The following SOBP variants were observed in gnomAD, a reference collection of about 807,000 sequenced individuals.
SOBP encodes the protein sine oculis-binding protein homolog.
SOBP carries 4 observed loss-of-function variants against 53.6 expected under a neutral mutation model. That is an observed-to-expected ratio of 0.07 (90% CI 0.04 to 0.17). The LOEUF is 0.17. Ranked by LOEUF, SOBP falls within the 10% of genes least tolerant of loss-of-function variation. The pLI, the probability that SOBP is intolerant of heterozygous loss-of-function variation, is 1.00. For synonymous variants in SOBP, 584 were observed against 522.6 expected (o/e 1.12, Z -1.60); for missense variants, 1,088 against 1,204.7 (o/e 0.90, Z 1.43).
rs1770876816 is a variant in SOBP at position 107,634,342 on chromosome 6, C to T, written c.1498C>T (p.Pro500Ser). Reference protein sequence around the residue: ...FPPVSMMPNGPMPVPQMMNFG... With the variant: ...FPPVSMMPNGSMPVPQMMNFG... ...GCCAGTGAGCATGATGCCAAATGGC[C>T]CGATGCCGGTGCCCCAGATGATGAA... is the stretch of plus-strand genomic sequence containing the variant. Residue 500 changes from proline to serine, a missense_variant, in exon 6 of 7, where the codon CCG becomes TCG. Around this residue, in one of 6 missense-constraint regions of SOBP, gnomAD observed 665 missense variants for 629.7 expected, o/e 1.06. Transcript: ENST00000317357. The surrounding 1 kb of genome is among the most constrained non-coding windows in gnomAD (Gnocchi z 4.5). 1 of 1,588,956 alleles carries T rather than the reference C, an allele frequency of 6.3e-7. No individual in the cohort carries two copies.
chr6:107,549,346 G>C (rs1170955413), intron 4 of SOBP, among the ~76,000 whole-genome samples: 1 of 151,880 alleles, frequency 6.6e-6, no homozygotes, highest in Non-Finnish European at 1.5e-5. Flanking sequence ...ATACTCCCAA[G>C]CCCTATACTG....
rs950345755 is a variant in SOBP at position 107,490,824 on chromosome 6, G to A, written c.96+112G>A. ...GGGGCGCGCTTGTCAGTTTCTGTAG[G>A]ATGCCCAGAACGGCTCCGCTCCTCC... On this transcript the variant is annotated intron_variant, in intron 1 of 6. Transcript: ENST00000317357. 4 of 816,942 alleles carry A rather than the reference G, an allele frequency of 4.9e-6. 1 individual carries two copies. Among genetic ancestry groups the A allele is most frequent in the Admixed American group, 4.1e-5 (2 of 49,050 alleles). 50.6% of individuals were successfully genotyped at this position (816,942 alleles called of 1,614,324 possible).
At chr6:107,518,625 A>G (rs2114967241) in intron 3 of SOBP, among the ~76,000 whole-genome samples, 1 of 152,346 alleles carries the variant, frequency 6.6e-6, no homozygotes, top group East Asian at 1.9e-4. Flanking sequence ...AACAACCCAA[A>G]TGTTCACCAG....
intron 1 of SOBP, among the ~76,000 whole-genome samples, chr6:107,491,705 TAGC>T (rs1782585698): frequency 6.6e-6 from 1 of 152,238 alleles, no homozygotes; most frequent in Admixed American, 6.5e-5. Context: ...CATCAAAAAG[TAGC>T]AGGTTTGCAT....
rs138027455 is a variant in SOBP, at chr6:107,585,466, C to T, written c.574-1614C>T. ...CCATGGCGTAGCTGCAAAGTTGTTC[C>T]GATGCAGTAAGAAGAAACATCATTG... On this transcript the variant is annotated intron_variant, in intron 4 of 6. Transcript: ENST00000317357. Among the ~76,000 whole-genome samples, 521 of 152,298 alleles carry T rather than the reference C, an allele frequency of 3.4e-3. 2 individuals carry two copies. Among genetic ancestry groups the T allele is most frequent in the African/African-American group, 0.012 (500 of 41,550 alleles).
At chr6:107,625,098 T>G (rs1351262660) in intron 5 of SOBP, among the ~76,000 whole-genome samples, 1 of 152,170 alleles carries the variant, frequency 6.6e-6, no homozygotes, top group African/African-American at 2.4e-5. Flanking sequence ...TTTGTGGAGG[T>G]TCAATGAGGA....
chr6:107,603,800 G>A (rs948271227), intron 5 of SOBP, among the ~76,000 whole-genome samples: 1 of 152,120 alleles, frequency 6.6e-6, no homozygotes, highest in African/African-American at 2.4e-5. Context: ...CTCATGCTTT[G>A]GGGACCTAGA....
intron 4 of SOBP, among the ~76,000 whole-genome samples, chr6:107,575,275 G>T (rs1047222219): frequency 2.6e-5 from 4 of 152,160 alleles, no homozygotes; most frequent in African/African-American, 9.7e-5. Context: ...TTAGCACAGG[G>T]TCTGGCACAG....
intron 1 of SOBP, among the ~76,000 whole-genome samples, chr6:107,491,829 A>G (rs1240791201): frequency 6.6e-6 from 1 of 152,192 alleles, no homozygotes; most frequent in African/African-American, 2.4e-5. Context: ...TAAAAAACAA[A>G]CTGGATGAAA....
rs1240395300 is a variant in SOBP at position 107,635,080 on chromosome 6, C to T, written c.2236C>T (p.Pro746Ser). ...CGCGGAGCCGCCTCCCGAGCAGCCG[C>T]CGCCGCCGCCGCCGCCCGCGCCCCC... ...KSAEPPPEQP[P>S]PPPPPAPPKK... Residue 746 changes from proline (P) to serine (S), a missense_variant, in exon 6 of 7, where the codon CCG becomes TCG. Physicochemically the swap from Pro to Ser is moderately conservative, Grantham distance 74. Around this residue, in one of 6 missense-constraint regions of SOBP, gnomAD observed 665 missense variants for 629.7 expected, o/e 1.06. Coordinates refer to ENST00000317357, the MANE Select transcript of SOBP (RefSeq NM_018013.4). This position sits in a 1 kb window ranked among gnomAD's most constrained non-coding sequence, Gnocchi z 4.5. 6.4e-7 allele frequency: 1 copy of T among 1,569,202 alleles called. No homozygotes were observed. Among genetic ancestry groups the T allele is most frequent in the African/African-American group, 1.4e-5 (1 of 73,440 alleles).
intron 5 of SOBP, among the ~76,000 whole-genome samples, chr6:107,620,774 A>G (rs1055934564): frequency 1.3e-5 from 2 of 152,036 alleles, no homozygotes; most frequent in Non-Finnish European, 1.5e-5. Context: ...AGCATCCACC[A>G]TATTTCTTTT....
chr6:107,613,480 C>A (rs913042864), intron 5 of SOBP, among the ~76,000 whole-genome samples: 1 of 152,122 alleles, frequency 6.6e-6, no homozygotes, highest in African/African-American at 2.4e-5. Context: ...TCCATGATTA[C>A]CTTGATATTA....
At chr6:107,507,658 G>A (rs1783037161) in intron 3 of SOBP, among the ~76,000 whole-genome samples, 1 of 152,072 alleles carries the variant, frequency 6.6e-6, no homozygotes, top group African/African-American at 2.4e-5. Flanking sequence ...TGTATTTTAT[G>A]TGTGGCCCAA....
intron 4 of SOBP, among the ~76,000 whole-genome samples, chr6:107,583,172 C>T (rs1190000045): frequency 6.6e-6 from 1 of 152,200 alleles, no homozygotes; most frequent in East Asian, 1.9e-4. Flanking sequence ...TCTAACATTG[C>T]CACCAGTTCT....
chr6:107,657,490 T>C (rs1214898923), intron 6 of SOBP, among the ~76,000 whole-genome samples: 1 of 152,256 alleles, frequency 6.6e-6, no homozygotes, highest in Non-Finnish European at 1.5e-5. Context: ...TCCAGCTTAG[T>C]TGCCTTTGTG....
intron 5 of SOBP, among the ~76,000 whole-genome samples, chr6:107,609,802 G>C (rs956087633): frequency 6.6e-6 from 1 of 152,086 alleles, no homozygotes; most frequent in African/African-American, 2.4e-5. Flanking sequence ...CTAGGGGAGC[G>C]CTAAAGTGGG....
At chr6:107,616,898 G>A (rs1786812997) in intron 5 of SOBP, among the ~76,000 whole-genome samples, 1 of 152,172 alleles carries the variant, frequency 6.6e-6, no homozygotes, top group Admixed American at 6.5e-5. Flanking sequence ...CTTGGGCAGT[G>A]CCATTTGCAT....
chr6:107,534,402 G>A lies in SOBP; in HGVS notation c.573+792G>A, dbSNP rs552006198. Among the ~76,000 whole-genome samples the A allele has an allele frequency of 4.1e-4, 62 of 152,214 alleles. 1 individual carries two copies. The South Asian group carries it at 6.2e-3, about 15-fold the overall frequency. On this transcript the variant is annotated intron_variant, in intron 4 of 6. Transcript: ENST00000317357. ...TGTAGCCTTTGCCACCAACTACTGC[G>A]GTAACTTGCTAGTCCTCAATTATTT...
chr6:107,521,658 A>G (rs1194312711), intron 3 of SOBP, among the ~76,000 whole-genome samples: 1 of 152,210 alleles, frequency 6.6e-6, no homozygotes, highest in African/African-American at 2.4e-5. Context: ...AAATGCTGCC[A>G]TGAAGATTAT....
Sources: gnomAD v4.1 joint callset for allele counts (sites outside exome capture counted in the v4.1 genomes callset) on GRCh38, gnomAD v4.1.1 for gene constraint, gnomAD v4.1.1 regional missense constraint, Gnocchi (gnomAD v3.1) non-coding constraint, MANE v1.5 for transcripts, NCBI Gene and HGNC (gene_info 2026-07-23, HGNC 2026-07-21) for gene names.